The following NELL2 variants were observed in gnomAD, a reference collection of about 807,000 sequenced individuals.
NELL2 encodes the protein protein kinase C-binding protein NELL2.
Under a neutral mutation model 109.6 loss-of-function variants are expected in NELL2, and 41 were observed. That is an observed-to-expected ratio of 0.37 (90% CI 0.29 to 0.49). NELL2 has a LOEUF of 0.49. NELL2 is among the 20% of genes least tolerant of loss of function. The pLI is 0.98. For synonymous variants in NELL2, 355 were observed against 344.7 expected, an observed-to-expected ratio of 1.03 and a Z score of -0.33; for missense variants, 900 against 1,008.3, an observed-to-expected ratio of 0.89 and a Z score of 1.45.
Position 44,532,639 on chromosome 12 carries a change from C to T in NELL2, c.1746G>A (p.Glu582=), listed in dbSNP as rs1323039511. 7.4e-6 allele frequency: 12 copies of T among 1,613,720 alleles called. No homozygotes were observed. The highest frequency in any genetic ancestry group is 1.0e-5 in the Non-Finnish European group (12 of 1,179,728). The change falls in exon 16 of 20, where the codon GAG becomes GAA. Residue 582 remains glutamate (E), a synonymous_variant. Coordinates refer to ENST00000429094, the MANE Select transcript of NELL2 (RefSeq NM_001145108.2). ...CATTGTCATGGTAGCCATCTCTGCA[C>T]TCACAGTGGTACCATCCAGGCAGGT... ...CINLPGWYHC[E]CRDGYHDNGM...
intron 13 of NELL2, among the ~76,000 whole-genome samples, chr12:44,647,167 A>G (rs1013772754): frequency 6.6e-6 from 1 of 152,194 alleles, no homozygotes; most frequent in Admixed American, 6.5e-5. Context: ...CAGGGCCCCT[A>G]TACAAATCCA....
At chr12:44,576,106 C>T (rs1305046449) in intron 15 of NELL2, among the ~76,000 whole-genome samples, 2 of 152,142 alleles carry the variant, frequency 1.3e-5, no homozygotes, top group Non-Finnish European at 2.9e-5. Flanking sequence ...ACACTCTTCC[C>T]CTCTACTTCA....
intron 12 of NELL2, among the ~76,000 whole-genome samples, chr12:44,677,572 A>G (rs970554749): frequency 6.6e-6 from 1 of 152,116 alleles, no homozygotes; most frequent in Non-Finnish European, 1.5e-5. Flanking sequence ...TTATTGCTAA[A>G]CAATATCTTT....
At chr12:44,566,431 T>C (rs546435986) in intron 15 of NELL2, among the ~76,000 whole-genome samples, 1 of 152,142 alleles carries the variant, frequency 6.6e-6, no homozygotes, top group African/African-American at 2.4e-5. Context: ...TAGGTTAATA[T>C]TATCAGGAAT....
At chr12:44,808,973 C>G (rs1223817138) in intron 3 of NELL2, among the ~76,000 whole-genome samples, 3 of 151,990 alleles carry the variant, frequency 2.0e-5, no homozygotes, top group African/African-American at 7.2e-5. Flanking sequence ...AAATTATCTC[C>G]ATGTATGCTA....
At chr12:44,696,258 A>T (rs1949060075) in intron 12 of NELL2, among the ~76,000 whole-genome samples, 1 of 152,228 alleles carries the variant, frequency 6.6e-6, no homozygotes, top group South Asian at 2.1e-4. Flanking sequence ...CTTATTAGTT[A>T]ATGTTTGAGG....
intron 9 of NELL2, among the ~76,000 whole-genome samples, chr12:44,716,531 A>C (rs923570439): frequency 6.6e-6 from 1 of 152,172 alleles, no homozygotes; most frequent in Non-Finnish European, 1.5e-5. Flanking sequence ...ATTGATTGCA[A>C]AATTTACCTC....
upstream of NELL2, among the ~76,000 whole-genome samples, chr12:44,915,262 G>A (rs1945820373): frequency 6.6e-6 from 1 of 152,138 alleles, no homozygotes; most frequent in African/African-American, 2.4e-5. Flanking sequence ...TGTACTTTTT[G>A]TAAATTTCAA....
intron 2 of NELL2, among the ~76,000 whole-genome samples, chr12:44,836,612 T>C (rs761361091): frequency 2.6e-5 from 4 of 152,114 alleles, no homozygotes; most frequent in Non-Finnish European, 5.9e-5. Context: ...AAACTAGGAT[T>C]TCCATAGTCA....
chr12:44,703,913 C>T, intron 11 of NELL2, 59 bp from the exon 12 acceptor site: 1 of 1,460,010 alleles, frequency 6.8e-7, no homozygotes. Flanking sequence ...GCAAATTTTT[C>T]CTACTTAATA....
At chr12:44,654,786 C>A (rs1947435882) in intron 13 of NELL2, among the ~76,000 whole-genome samples, 2 of 152,094 alleles carry the variant, frequency 1.3e-5, no homozygotes, top group African/African-American at 4.8e-5. Context: ...GAAAGAAGAG[C>A]AGCGAGGCGA....
chr12:44,779,942 T>A lies in NELL2; in HGVS notation c.416A>T (p.Glu139Val). The A allele has an allele frequency of 6.2e-7, 1 of 1,613,902 alleles. No individual in the cohort carries two copies. Among genetic ancestry groups the A allele is most frequent in the Non-Finnish European group, 8.5e-7 (1 of 1,179,826 alleles). ...YRSGSHRPHTEVFPYILADDK... is the reference protein window; with the variant it reads ...YRSGSHRPHTVVFPYILADDK... ...ATCAGCCAAAATGTAAGGAAACACT[T>A]CTGTGTGAGGGCGGTGACTGCCTGA... Residue 139 changes from glutamate (E) to valine (V), a missense_variant, in exon 4 of 20, where the codon GAA (glutamate) becomes GTA (valine). Glu to Val is a moderately radical substitution (Grantham distance 121, BLOSUM62 -2). Coordinates refer to ENST00000429094, the MANE Select transcript of NELL2 (RefSeq NM_001145108.2).
At chr12:44,847,935 G>C (rs1404866728) in intron 2 of NELL2, among the ~76,000 whole-genome samples, 1 of 151,320 alleles carries the variant, frequency 6.6e-6, no homozygotes, top group African/African-American at 2.4e-5. Flanking sequence ...GGGAGGCTGA[G>C]GTTCAAGAAT....
intron 1 of NELL2, among the ~76,000 whole-genome samples, chr12:44,888,327 G>A (rs181067738): frequency 6.0e-5 from 9 of 149,076 alleles, no homozygotes; most frequent in South Asian, 2.1e-4. Flanking sequence ...GAGGTCTTTC[G>A]TGGTTCTAAA....
chr12:44,877,260 T>C (rs1945354246), upstream of NELL2, among the ~76,000 whole-genome samples: 1 of 152,226 alleles, frequency 6.6e-6, no homozygotes, highest in African/African-American at 2.4e-5. Context: ...ATGCAGGCTC[T>C]ACCTGCCCTT....
At chr12:44,887,181 T>C (rs978473625) in intron 1 of NELL2, among the ~76,000 whole-genome samples, 1 of 151,918 alleles carries the variant, frequency 6.6e-6, no homozygotes, top group African/African-American at 2.4e-5. Context: ...TAGTTTTTGT[T>C]TGTTTGTTTG....
At chr12:44,625,877 G>A (rs898599222) in intron 13 of NELL2, among the ~76,000 whole-genome samples, 3 of 151,918 alleles carry the variant, frequency 2.0e-5, no homozygotes, top group African/African-American at 7.3e-5. Context: ...AAGCTCGCCA[G>A]CACACAAGCA....
At chr12:44,669,482 A>C (rs564977963) in intron 12 of NELL2, among the ~76,000 whole-genome samples, 2 of 150,122 alleles carry the variant, frequency 1.3e-5, no homozygotes, top group Admixed American at 1.3e-4. Context: ...AACACAGATA[A>C]ACAATACAAA....
At chr12:44,532,962 A>T (rs1942149794) in intron 15 of NELL2, among the ~76,000 whole-genome samples, 1 of 152,196 alleles carries the variant, frequency 6.6e-6, no homozygotes, top group African/African-American at 2.4e-5. Flanking sequence ...TAGAAAATGG[A>T]AAGAATCCAT....
Sources: allele counts gnomAD v4.1 joint callset (sites outside exome capture counted in the v4.1 genomes callset), GRCh38; gene constraint gnomAD v4.1.1; transcripts MANE v1.5; gene names NCBI Gene and HGNC (gene_info 2026-07-23, HGNC 2026-07-21).